ARHGAP21: variants seen among roughly 807,000 people sequenced by gnomAD.
ARHGAP21 encodes rho GTPase-activating protein 21.
ARHGAP21 carries 38 observed loss-of-function variants against 164.6 expected under a neutral mutation model. The ratio of observed to expected loss-of-function variants is 0.23; its 90% CI spans 0.18 to 0.30. The LOEUF (loss-of-function observed/expected upper bound fraction) is 0.30, where lower values mean the gene tolerates loss of function less well. ARHGAP21 is among the 10% of genes least tolerant of loss of function. The pLI, the probability that ARHGAP21 is intolerant of heterozygous loss-of-function variation, is 1.00. For missense variants in ARHGAP21, 1,822 were observed against 2,370.7 expected (o/e 0.77, Z 4.81); for synonymous variants, 766 against 857.9 (o/e 0.89, Z 1.87).
chr10:24,689,940 ATGTATATGT>A (rs1842607854), intron 2 of ARHGAP21, among the ~76,000 whole-genome samples: 1 of 36,668 alleles, frequency 2.7e-5, no homozygotes, highest in African/African-American at 1.1e-4. Flanking sequence ...ATATGTATAT[ATGTATATGT>A]GTGTGTGTGT....
chr10:24,681,733 G>T (rs1841779614), intron 2 of ARHGAP21, among the ~76,000 whole-genome samples: 1 of 151,968 alleles, frequency 6.6e-6, no homozygotes, highest in Non-Finnish European at 1.5e-5. Context: ...TCATGGTGAT[G>T]CAACACCTTT....
chr10:24,634,551 G>C (rs532232998), intron 5 of ARHGAP21, among the ~76,000 whole-genome samples: 18 of 152,188 alleles, frequency 1.2e-4, no homozygotes, highest in African/African-American at 1.7e-4. Context: ...GACACCTTCA[G>C]ATGAAGCCAG....
chr10:24,687,465 T>G (rs181851757), intron 2 of ARHGAP21, among the ~76,000 whole-genome samples: 1 of 152,360 alleles, frequency 6.6e-6, no homozygotes, highest in East Asian at 1.9e-4. Flanking sequence ...ATTTCTCCAT[T>G]TTCCTCATTT....
rs748469821 is a variant in ARHGAP21, at chr10:24,621,328, A to G, written c.567T>C (p.Tyr189=). The change falls in exon 9 of 26, where the codon TAT becomes TAC. Residue 189 remains tyrosine, a synonymous_variant. Transcript: ENST00000396432. ...CAGGTATATTGCGGGCATTGCCGCT[A>G]TAAGCTTCGTTGCCTTTCAGGTAGG... ...QDAYLKGNEA[Y]SGNARNIPEP... is the part of the protein sequence containing the mutation. The G allele has an allele frequency of 3.7e-6, 6 of 1,608,872 alleles. No homozygotes were observed. The South Asian group carries it at 6.7e-5, about 18-fold the overall frequency.
intron 2 of ARHGAP21, among the ~76,000 whole-genome samples, chr10:24,680,478 G>A (rs1017568548): frequency 6.6e-6 from 1 of 152,132 alleles, no homozygotes; most frequent in African/African-American, 2.4e-5. Context: ...GAGCTGCTAT[G>A]TCTTGTTTTA....
At chr10:24,661,862 T>C (rs907097266) in intron 4 of ARHGAP21, among the ~76,000 whole-genome samples, 21 of 152,340 alleles carry the variant, frequency 1.4e-4, no homozygotes, top group African/African-American at 4.8e-4. Context: ...TTTTTTCACA[T>C]ACAATATGGT....
At chr10:24,596,526 A>T in intron 17 of ARHGAP21, 1 of 628,966 alleles carries the variant, frequency 1.6e-6, no homozygotes, top group South Asian at 2.4e-5. Context: ...CATTTCAGAC[A>T]AATTCCTAAT....
chr10:24,671,688 T>A (rs2131792942), intron 2 of ARHGAP21, among the ~76,000 whole-genome samples: 1 of 152,082 alleles, frequency 6.6e-6, no homozygotes, highest in South Asian at 2.1e-4. Context: ...CCTATCTGCA[T>A]ACACATATTT....
At chr10:24,662,434 T>C (rs1301880759) in intron 4 of ARHGAP21, among the ~76,000 whole-genome samples, 4 of 152,170 alleles carry the variant, frequency 2.6e-5, no homozygotes, top group Non-Finnish European at 4.4e-5. Context: ...TCAGCCTCAG[T>C]TCCCTCATCT....
At chr10:24,630,711 T>C (rs1835769651) in intron 6 of ARHGAP21, among the ~76,000 whole-genome samples, 1 of 152,178 alleles carries the variant, frequency 6.6e-6, no homozygotes, top group Non-Finnish European at 1.5e-5. Flanking sequence ...CATGCTGATC[T>C]GGAATTCCTG....
chr10:24,711,479 T>C (rs1844810712), intron 2 of ARHGAP21, among the ~76,000 whole-genome samples: 1 of 152,222 alleles, frequency 6.6e-6, no homozygotes, highest in African/African-American at 2.4e-5. Context: ...TCTTCATCTG[T>C]AAAATCCTTT....
chr10:24,652,350 G>A (rs187756472), intron 4 of ARHGAP21, among the ~76,000 whole-genome samples: 16 of 152,214 alleles, frequency 1.1e-4, no homozygotes, highest in Non-Finnish European at 5.9e-5. Flanking sequence ...AATTTCAGGT[G>A]GACTTTAGGC....
At chr10:24,648,028 G>A (rs1837749294) in intron 4 of ARHGAP21, among the ~76,000 whole-genome samples, 1 of 151,988 alleles carries the variant, frequency 6.6e-6, no homozygotes, top group Non-Finnish European at 1.5e-5. Context: ...TAGTAGAGAC[G>A]AGGGTTTCAC....
At chr10:24,595,670 G>A in intron 19 of ARHGAP21, 47 bp downstream of exon 19, 6 of 1,548,246 alleles carry the variant, frequency 3.9e-6, no homozygotes, top group Non-Finnish European at 5.3e-6. Flanking sequence ...TTTTCCAATT[G>A]TAACTTGAAC....
chr10:24,631,587 A>ATACTAAACCC (rs1037047462), intron 6 of ARHGAP21, among the ~76,000 whole-genome samples: 1 of 152,252 alleles, frequency 6.6e-6, no homozygotes, highest in Non-Finnish European at 1.5e-5. Flanking sequence ...TGCTCAGATT[A>ATACTAAACCC]TACTAAACCC....
chr10:24,632,248 A>C (rs1407336246), intron 6 of ARHGAP21, among the ~76,000 whole-genome samples: 1 of 152,254 alleles, frequency 6.6e-6, no homozygotes, highest in Non-Finnish European at 1.5e-5. Flanking sequence ...TTTGAAGAAA[A>C]CAATGATTAA....
chr10:24,626,903 G>A (rs1330401918), intron 7 of ARHGAP21, among the ~76,000 whole-genome samples: 12 of 152,056 alleles, frequency 7.9e-5, no homozygotes, highest in African/African-American at 2.9e-4. Flanking sequence ...AAAAAATGAG[G>A]CTGCCAAGCA....
chr10:24,628,778 T>C (rs928745190), intron 7 of ARHGAP21, among the ~76,000 whole-genome samples: 1 of 138,456 alleles, frequency 7.2e-6, no homozygotes, highest in Non-Finnish European at 1.6e-5. Context: ...TGTGCATATA[T>C]ATATACACAC....
At position 24,619,837 on chromosome 10, in the gene ARHGAP21, A is replaced by G. The variant is rs1356647971; in HGVS notation, c.2058T>C (p.Ser686=). Residue 686 remains serine (S), a synonymous_variant, in exon 9 of 26, where the codon TCT becomes TCC. Transcript: ENST00000396432. ...QVETGKSPSL[S]GASAKPAPQS... is the part of the protein sequence containing the mutation. ...GAGGGGCAGGCTTGGCAGAGGCTCC[A>G]GATAAAGAGGGGGATTTCCCAGTCT... The G allele has an allele frequency of 1.9e-6, 3 of 1,614,072 alleles. No individual in the cohort carries two copies. In the African/African-American group the frequency reaches 4.0e-5, roughly 22 times the overall value.
Sources: allele counts gnomAD v4.1 joint callset (sites outside exome capture counted in the v4.1 genomes callset), GRCh38; gene constraint gnomAD v4.1.1; transcripts MANE v1.5; gene names NCBI Gene and HGNC (gene_info 2026-07-23, HGNC 2026-07-21).